CSMD1: variants seen among roughly 807,000 people sequenced by gnomAD.
The protein encoded by CSMD1 is CUB and sushi domain-containing protein 1.
Under a neutral mutation model 417.5 loss-of-function variants are expected in CSMD1, and 213 were observed. The ratio of observed to expected loss-of-function variants is 0.51; its 90% CI spans 0.46 to 0.57. The LOEUF (loss-of-function observed/expected upper bound fraction) is 0.57, where lower values mean the gene tolerates loss of function less well. CSMD1 is among the 20% of genes least tolerant of loss of function. CSMD1 has a pLI of 0.00. For missense variants in CSMD1, 6,923 were observed against 4,529.7 expected, an observed-to-expected ratio of 1.53 and a Z score of -15.17; for synonymous variants, 2,862 against 1,736.8, an observed-to-expected ratio of 1.65 and a Z score of -16.11.
At chr8:3,888,609 G>C (rs1394428157) in intron 5 of CSMD1, among the ~76,000 whole-genome samples, 3 of 152,086 alleles carry the variant, frequency 2.0e-5, no homozygotes, top group Non-Finnish European at 2.9e-5. Flanking sequence ...AATCTAACAA[G>C]ATCTTTGTCA....
intron 11 of CSMD1, among the ~76,000 whole-genome samples, chr8:3,487,154 G>A (rs1818086085): frequency 6.6e-6 from 1 of 152,006 alleles, no homozygotes; most frequent in African/African-American, 2.4e-5. Context: ...CCAGTAACTG[G>A]GCCGCTCTCT....
intron 2 of CSMD1, among the ~76,000 whole-genome samples, chr8:4,496,517 G>C (rs1322708268): frequency 6.6e-6 from 1 of 152,204 alleles, no homozygotes; most frequent in Non-Finnish European, 1.5e-5. Flanking sequence ...ATATACCAGG[G>C]AGTATGTTAA....
chr8:3,275,583 A>G (rs893303538), intron 26 of CSMD1, among the ~76,000 whole-genome samples: 5 of 152,182 alleles, frequency 3.3e-5, no homozygotes, highest in African/African-American at 4.8e-5. Flanking sequence ...ACGTAGATTC[A>G]GTCTTTTCAC....
intron 27 of CSMD1, among the ~76,000 whole-genome samples, chr8:3,229,123 C>T (rs888936348): frequency 6.6e-6 from 1 of 152,256 alleles, no homozygotes; most frequent in South Asian, 2.1e-4. Flanking sequence ...AATTTCACCA[C>T]CGCTGTGTAC....
At chr8:4,278,149 A>C (rs1055670317) in intron 3 of CSMD1, among the ~76,000 whole-genome samples, 4 of 152,336 alleles carry the variant, frequency 2.6e-5, no homozygotes, top group African/African-American at 9.6e-5. Flanking sequence ...CAAAGAGAAG[A>C]ATCTATTCTT....
chr8:4,674,729 A>G (rs1805565998), intron 1 of CSMD1, among the ~76,000 whole-genome samples: 1 of 152,194 alleles, frequency 6.6e-6, no homozygotes, highest in South Asian at 2.1e-4. Flanking sequence ...ATACATATAG[A>G]AGAAAATGCA....
intron 54 of CSMD1, among the ~76,000 whole-genome samples, chr8:2,996,617 C>T (rs982237053): frequency 2.6e-5 from 4 of 152,158 alleles, no homozygotes; most frequent in Admixed American, 2.6e-4. Context: ...TTTGCTAGGC[C>T]CTGCTCCATA....
At chr8:3,724,424 T>C (rs1307902742) in intron 6 of CSMD1, among the ~76,000 whole-genome samples, 1 of 152,202 alleles carries the variant, frequency 6.6e-6, no homozygotes, top group African/African-American at 2.4e-5. Flanking sequence ...TTAAATGAAG[T>C]GATAAACATT....
chr8:4,556,768 G>A (rs535857560), intron 2 of CSMD1, among the ~76,000 whole-genome samples: 2 of 152,212 alleles, frequency 1.3e-5, no homozygotes, highest in Non-Finnish European at 2.9e-5. Flanking sequence ...AATCCAAAAT[G>A]ATCCAAAACA....
intron 1 of CSMD1, among the ~76,000 whole-genome samples, chr8:4,747,820 T>C (rs1231016950): frequency 6.6e-6 from 1 of 152,214 alleles, no homozygotes; most frequent in Admixed American, 6.5e-5. Context: ...AAGCATCATT[T>C]GTAAATGTCT....
intron 5 of CSMD1, among the ~76,000 whole-genome samples, chr8:3,953,718 A>G (rs563208813): frequency 2.4e-4 from 36 of 152,208 alleles, no homozygotes; most frequent in Admixed American, 8.5e-4. Flanking sequence ...ACGGGGACTC[A>G]GGAGAAGCTT....
rs957894884 is a variant in CSMD1, at chr8:3,226,568, C to G, written c.4346-2701G>C. ...CTGCACTCCAGCTTATGTGACAGAG[C>G]AAGACTCTGTCTCAAAAAAAAAAAA... On this transcript the variant is annotated intron_variant, in intron 27 of 69. Coordinates refer to ENST00000635120, the MANE Select transcript of CSMD1 (RefSeq NM_033225.6). 8.0e-5 allele frequency among the ~76,000 whole-genome samples: 10 copies of G among 124,288 alleles called. No individual in the cohort carries two copies. In the South Asian group the frequency reaches 1.5e-3, roughly 19 times the overall value. The allele number at this position is 124,288 out of a possible 152,430, so 81.5% of individuals were successfully genotyped here.
At chr8:4,672,423 T>G (rs1904119) in intron 1 of CSMD1, among the ~76,000 whole-genome samples, 1 of 151,950 alleles carries the variant, frequency 6.6e-6, no homozygotes, top group Non-Finnish European at 1.5e-5. Flanking sequence ...CAGAAAATAT[T>G]TGTAGTGTAT....
chr8:4,838,304 G>A (rs149729486), intron 1 of CSMD1, among the ~76,000 whole-genome samples: 119 of 152,244 alleles, frequency 7.8e-4, no homozygotes, highest in African/African-American at 2.8e-3. Context: ...CTGTGCTAAC[G>A]TAAGCGTTCA....
chr8:3,928,937 G>T (rs1809942707), intron 5 of CSMD1, among the ~76,000 whole-genome samples: 1 of 150,226 alleles, frequency 6.7e-6, no homozygotes, highest in Non-Finnish European at 1.5e-5. Context: ...TTATCAACCT[G>T]CAATAAAATG....
chr8:4,346,214 A>G (rs1222021825), intron 3 of CSMD1, among the ~76,000 whole-genome samples: 1 of 152,156 alleles, frequency 6.6e-6, no homozygotes, highest in Non-Finnish European at 1.5e-5. Flanking sequence ...CTCATTTGCT[A>G]AGAATGATTT....
At chr8:4,128,995 G>A (rs937929016) in intron 3 of CSMD1, among the ~76,000 whole-genome samples, 22 of 143,264 alleles carry the variant, frequency 1.5e-4, no homozygotes, top group African/African-American at 5.4e-4. Flanking sequence ...AGAGTTGCTT[G>A]AACCCGGGAG....
intron 3 of CSMD1, among the ~76,000 whole-genome samples, chr8:4,410,210 GT>G (rs1236896136): frequency 6.6e-6 from 1 of 152,190 alleles, no homozygotes; most frequent in Non-Finnish European, 1.5e-5. Context: ...GAACCAAACA[GT>G]TTAGGTAACT....
At chr8:3,720,768 G>C (rs530976262) in intron 6 of CSMD1, among the ~76,000 whole-genome samples, 1 of 152,164 alleles carries the variant, frequency 6.6e-6, no homozygotes, top group East Asian at 1.9e-4. Context: ...AACACCTTCA[G>C]ATGCTGACAC....
Sources: gnomAD v4.1 joint callset for allele counts (sites outside exome capture counted in the v4.1 genomes callset) on GRCh38, gnomAD v4.1.1 for gene constraint, MANE v1.5 for transcripts, NCBI Gene and HGNC (gene_info 2026-07-23, HGNC 2026-07-21) for gene names.